Variants in PDE10A observed in about 807,000 individuals in gnomAD.
PDE10A encodes the protein phosphodiesterase 10A, also known as cAMP and cAMP-inhibited cGMP 3',5'-cyclic phosphodiesterase 10A.
PDE10A carries 39 observed loss-of-function variants against 97.7 expected under a neutral mutation model. The ratio of observed to expected loss-of-function variants is 0.40; its 90% CI spans 0.31 to 0.52. PDE10A has a LOEUF of 0.52. Ranked by LOEUF, PDE10A falls within the 20% of genes least tolerant of loss-of-function variation. The pLI, the probability that PDE10A is intolerant of heterozygous loss-of-function variation, is 0.56. For synonymous variants in PDE10A, 371 were observed against 376.8 expected (o/e 0.98, Z 0.18); for missense variants, 731 against 1,047.8 (o/e 0.70, Z 4.17).
At chr6:165,642,990 C>T (rs1789213375) in intron 1 of PDE10A, among the ~76,000 whole-genome samples, 1 of 152,114 alleles carries the variant, frequency 6.6e-6, no homozygotes, top group Non-Finnish European at 1.5e-5. Flanking sequence ...AGTCCATGGA[C>T]CCTGTCCACC....
chr6:165,789,924 TAAGA>T (rs1778602783), intron 1 of PDE10A, among the ~76,000 whole-genome samples: 1 of 152,152 alleles, frequency 6.6e-6, no homozygotes, highest in Non-Finnish European at 1.5e-5. Context: ...TGTTTGTGGA[TAAGA>T]AAGAGACGGG....
intron 1 of PDE10A, among the ~76,000 whole-genome samples, chr6:165,920,089 C>A (rs1002394391): frequency 2.0e-5 from 3 of 152,166 alleles, no homozygotes; most frequent in Admixed American, 2.0e-4. Flanking sequence ...TAAATGCAGC[C>A]ACACTTATCT....
chr6:165,605,391 C>A (rs893541340), intron 1 of PDE10A, among the ~76,000 whole-genome samples: 1 of 152,218 alleles, frequency 6.6e-6, no homozygotes, highest in Non-Finnish European at 1.5e-5. Flanking sequence ...GCACTTCTCC[C>A]ACCATTTCTC....
rs555278168 is a variant in PDE10A at position 165,336,545 on chromosome 6, C to T, written c.2977-334G>A. 3.9e-4 allele frequency among the ~76,000 whole-genome samples: 59 copies of T among 151,784 alleles called. No homozygotes were observed. In the East Asian group the frequency reaches 9.7e-3, roughly 25 times the overall value. ...CGGGTGGATCACGAGGTCAGGAGAT[C>T]GAGACCATCCTGGCTAACAAGGTGA... On this transcript the variant is annotated intron_variant, in intron 20 of 21. Coordinates refer to ENST00000539869, the MANE Select transcript of PDE10A (RefSeq NM_001385079.1).
At chr6:165,375,051 C>T (rs1035677005) in intron 18 of PDE10A, among the ~76,000 whole-genome samples, 4 of 152,072 alleles carry the variant, frequency 2.6e-5, no homozygotes, top group Non-Finnish European at 5.9e-5. Flanking sequence ...ACTGGCTGTT[C>T]CCCCATCTCC....
In PDE10A at chr6:165,695,633, G is replaced by A. The variant is rs569477486; in HGVS notation, c.-614-152065C>T. On this transcript the variant is annotated intron_variant, in intron 1 of 19. Coordinates refer to the PDE10A transcript ENST00000366882. ...TAAAACAGATAGCTCCTGTATCTTC[G>A]CAGAGGAACTGACTTGATGTGCAAC... is the stretch of plus-strand genomic sequence containing the variant. 1.8e-4 allele frequency among the ~76,000 whole-genome samples: 28 copies of A among 152,278 alleles called. No individual in the cohort carries two copies. The South Asian group carries it at 1.9e-3, about 10-fold the overall frequency.
chr6:165,699,202 T>C (rs1162243045), intron 1 of PDE10A, among the ~76,000 whole-genome samples: 23 of 152,106 alleles, frequency 1.5e-4, no homozygotes, highest in Admixed American at 1.4e-3. Flanking sequence ...TGGATTAATA[T>C]CAGACAAAAT....
rs1781260479 is a variant in PDE10A at position 165,330,137 on chromosome 6, T to TAAAAGTTATGTA, written c.*2887_*2888insTACATAACTTTT. On this transcript the variant is annotated 3_prime_UTR_variant, in exon 22 of 22. Transcript: ENST00000539869. ...TGCATATGACCATAAAACTTGTCTA[T>TAAAAGTTATGTA]TATAAACCAACATAACCAACAAAAG... 6.6e-6 allele frequency: 1 copy of TAAAAGTTATGTA among 152,204 alleles called. No individual in the cohort carries two copies. The highest frequency in any genetic ancestry group is 1.5e-5 in the Non-Finnish European group (1 of 68,032). The allele number at this position is 152,204 out of a possible 1,614,324, so 9.4% of individuals were successfully genotyped here.
Position 165,418,835 on chromosome 6 carries a change from T to C in PDE10A, c.1654-58A>G. The C allele has an allele frequency of 7.0e-7, 1 of 1,429,766 alleles. No individual in the cohort carries two copies. Among genetic ancestry groups the C allele is most frequent in the Non-Finnish European group, 9.7e-7 (1 of 1,026,434 alleles). The allele number at this position is 1,429,766 out of a possible 1,614,324, so 88.6% of individuals were successfully genotyped here. A position where few individuals can be genotyped will look rare whatever the true frequency, so the allele number is the denominator to read the frequency against. On this transcript the variant is annotated intron_variant, in intron 10 of 21. Coordinates refer to ENST00000539869, the MANE Select transcript of PDE10A (RefSeq NM_001385079.1). This position sits in a 1 kb window ranked among gnomAD's most constrained non-coding sequence, Gnocchi z 4.8. ...ATGAGACATTCAAAGAACTTGCAGG[T>C]AAACTTTATCATAAAATAAGTATTA...
At chr6:165,551,452 A>T (rs1784009598) in intron 1 of PDE10A, among the ~76,000 whole-genome samples, 1 of 152,254 alleles carries the variant, frequency 6.6e-6, no homozygotes, top group South Asian at 2.1e-4. Context: ...TAGCCCAGGT[A>T]AGCCTCAGAG....
intron 1 of PDE10A, among the ~76,000 whole-genome samples, chr6:165,955,045 A>T (rs779862203): frequency 5.9e-5 from 9 of 152,088 alleles, no homozygotes; most frequent in Non-Finnish European, 1.2e-4. Flanking sequence ...GGACCTGGCC[A>T]TTAAGGACTT....
At chr6:165,836,407 C>T (rs1338635664) in intron 1 of PDE10A, among the ~76,000 whole-genome samples, 1 of 152,238 alleles carries the variant, frequency 6.6e-6, no homozygotes, top group Non-Finnish European at 1.5e-5. Flanking sequence ...TTCTGAGCTG[C>T]TAACCCCATG....
At chr6:165,498,216 G>A (rs1780651854) in intron 2 of PDE10A, among the ~76,000 whole-genome samples, 1 of 151,404 alleles carries the variant, frequency 6.6e-6, no homozygotes, top group Admixed American at 6.6e-5. Context: ...TTCGAAACCA[G>A]GTGGGGCAAC....
intron 1 of PDE10A, among the ~76,000 whole-genome samples, chr6:165,874,811 C>A (rs1177520084): frequency 6.6e-6 from 1 of 152,168 alleles, no homozygotes; most frequent in Non-Finnish European, 1.5e-5. Flanking sequence ...GAAATGTCAT[C>A]ATTCCTTCTG....
intron 18 of PDE10A, among the ~76,000 whole-genome samples, chr6:165,358,685 T>C (rs1002187605): frequency 1.3e-5 from 2 of 151,970 alleles, no homozygotes; most frequent in Admixed American, 6.6e-5. Context: ...AATTTAATTG[T>C]TGGTTTTATT....
At chr6:165,886,425 A>G (rs1781635251) in intron 1 of PDE10A, among the ~76,000 whole-genome samples, 1 of 152,182 alleles carries the variant, frequency 6.6e-6, no homozygotes, top group Non-Finnish European at 1.5e-5. Context: ...CCCTGGAGCC[A>G]GGAGAAGCCC....
At chr6:165,679,787 T>C (rs1040258944) in intron 1 of PDE10A, among the ~76,000 whole-genome samples, 2 of 152,174 alleles carry the variant, frequency 1.3e-5, no homozygotes, top group African/African-American at 4.8e-5. Flanking sequence ...AATTTAGGAA[T>C]GTGGGGAGAA....
At chr6:165,545,163 G>GA in intron 1 of PDE10A, 1 of 500,348 alleles carries the variant, frequency 2.0e-6, no homozygotes, top group Non-Finnish European at 3.9e-6. Flanking sequence ...CCACTCCCAT[G>GA]ACACAAGGCT....
chr6:165,973,930 C>T (rs1195790764), intron 1 of PDE10A, among the ~76,000 whole-genome samples: 1 of 152,206 alleles, frequency 6.6e-6, no homozygotes, highest in Non-Finnish European at 1.5e-5. Context: ...AAATTACCCA[C>T]CTTGTGCACC....
Sources: gnomAD v4.1 joint callset for allele counts (sites outside exome capture counted in the v4.1 genomes callset) on GRCh38, gnomAD v4.1.1 for gene constraint, Gnocchi (gnomAD v3.1) non-coding constraint, MANE v1.5 for transcripts, NCBI Gene and HGNC (gene_info 2026-07-23, HGNC 2026-07-21) for gene names.